NXPH1: variants seen among roughly 807,000 people sequenced by gnomAD.
NXPH1 encodes the protein neurexophilin-1.
A neutral mutation model predicts 23.7 loss-of-function variants in NXPH1; 5 were observed. That is an observed-to-expected ratio of 0.21 (90% CI 0.11 to 0.44). The LOEUF is 0.44. Ranked by LOEUF, NXPH1 falls within the 20% of genes least tolerant of loss-of-function variation. The pLI is 0.99. For synonymous variants in NXPH1, 144 were observed against 122.2 expected (o/e 1.18, Z -1.18); for missense variants, 324 against 321.6 (o/e 1.01, Z -0.06).
At chr7:8,728,908 G>A (rs998712942) in intron 2 of NXPH1, among the ~76,000 whole-genome samples, 9 of 150,362 alleles carry the variant, frequency 6.0e-5, no homozygotes, top group African/African-American at 9.7e-5. Context: ...AGTTTCAGAA[G>A]GAATGGTACC....
chr7:8,710,865 T>C (rs995188300), intron 2 of NXPH1, among the ~76,000 whole-genome samples: 1 of 117,010 alleles, frequency 8.5e-6, no homozygotes, highest in Non-Finnish European at 1.6e-5. Context: ...GGTTTCACCG[T>C]GTTAGCCAGG....
At chr7:8,726,864 C>G (rs1259807646) in intron 2 of NXPH1, among the ~76,000 whole-genome samples, 13 of 151,930 alleles carry the variant, frequency 8.6e-5, no homozygotes, top group African/African-American at 3.1e-4. Flanking sequence ...AATGGGATGG[C>G]TGGGTCAAAT....
intron 2 of NXPH1, among the ~76,000 whole-genome samples, chr7:8,470,021 G>C (rs1216622124): frequency 6.6e-6 from 1 of 152,054 alleles, no homozygotes; most frequent in East Asian, 1.9e-4. Flanking sequence ...TCTTAACATT[G>C]CATACATTAG....
chr7:8,607,962 T>A (rs1197866937), intron 2 of NXPH1, among the ~76,000 whole-genome samples: 1 of 152,190 alleles, frequency 6.6e-6, no homozygotes, highest in African/African-American at 2.4e-5. Context: ...GAAGTCAAGA[T>A]CAGAGTGATG....
At chr7:8,697,815 G>A (rs1216343851) in intron 2 of NXPH1, among the ~76,000 whole-genome samples, 1 of 152,190 alleles carries the variant, frequency 6.6e-6, no homozygotes, top group Non-Finnish European at 1.5e-5. Context: ...GCTAGAATAA[G>A]CTTGATGAAT....
chr7:8,571,360 G>C (rs888513427), intron 2 of NXPH1, among the ~76,000 whole-genome samples: 1 of 151,800 alleles, frequency 6.6e-6, no homozygotes, highest in Admixed American at 6.6e-5. Context: ...TCGAGAATAT[G>C]TCTGTGATTA....
chr7:8,649,469 C>G (rs1362164668), intron 2 of NXPH1, among the ~76,000 whole-genome samples: 1 of 152,166 alleles, frequency 6.6e-6, no homozygotes, highest in African/African-American at 2.4e-5. Context: ...CACAATTATA[C>G]TCTTACACAC....
At chr7:8,591,515 A>C (rs1247581595) in intron 2 of NXPH1, among the ~76,000 whole-genome samples, 2 of 152,052 alleles carry the variant, frequency 1.3e-5, no homozygotes, top group Admixed American at 1.3e-4. Context: ...ATCATGCTTT[A>C]AGATTCTTAT....
intron 2 of NXPH1, among the ~76,000 whole-genome samples, chr7:8,723,739 G>A (rs1252514299): frequency 6.6e-6 from 1 of 152,166 alleles, no homozygotes; most frequent in Non-Finnish European, 1.5e-5. Flanking sequence ...AATGATTGCT[G>A]TAGAAATGAA....
chr7:8,717,088 C>T (rs1308825242), intron 2 of NXPH1, among the ~76,000 whole-genome samples: 1 of 152,146 alleles, frequency 6.6e-6, no homozygotes, highest in Non-Finnish European at 1.5e-5. Context: ...ACCATGTCTT[C>T]TCTTACTCAA....
chr7:8,596,687 T>A (rs1409331603), intron 2 of NXPH1, among the ~76,000 whole-genome samples: 1 of 152,124 alleles, frequency 6.6e-6, no homozygotes, highest in Non-Finnish European at 1.5e-5. Flanking sequence ...ATTATCATGA[T>A]CCTTATTTTA....
At chr7:8,633,471 A>G (rs1054867219) in intron 2 of NXPH1, among the ~76,000 whole-genome samples, 2 of 152,218 alleles carry the variant, frequency 1.3e-5, no homozygotes, top group Non-Finnish European at 2.9e-5. Flanking sequence ...CCTTCTTTAG[A>G]ATTATGCGGA....
intron 2 of NXPH1, among the ~76,000 whole-genome samples, chr7:8,742,154 G>A (rs934588481): frequency 5.9e-4 from 90 of 152,226 alleles, no homozygotes; most frequent in Non-Finnish European, 4.4e-5. Context: ...AAAAGATGAA[G>A]GAATACTATA....
At chr7:8,475,408 G>A (rs1563321260) in intron 2 of NXPH1, among the ~76,000 whole-genome samples, 1 of 152,002 alleles carries the variant, frequency 6.6e-6, no homozygotes, top group South Asian at 2.1e-4. Flanking sequence ...GGGAAAATTT[G>A]GTATTAGGTA....
At chr7:8,683,353 T>C (rs1310759502) in intron 2 of NXPH1, among the ~76,000 whole-genome samples, 1 of 152,150 alleles carries the variant, frequency 6.6e-6, no homozygotes, top group Non-Finnish European at 1.5e-5. Context: ...GAGAGAAACA[T>C]CCAAACTGTT....
chr7:8,748,354 T>TA (rs1484450026), intron 2 of NXPH1, among the ~76,000 whole-genome samples: 3 of 151,976 alleles, frequency 2.0e-5, no homozygotes, highest in African/African-American at 7.2e-5. Flanking sequence ...TACTTACAAC[T>TA]AAAAAAAAGT....
At chr7:8,634,412 ATTTACTTTGTAAATTAAGTCT>A (rs935724714) in intron 2 of NXPH1, among the ~76,000 whole-genome samples, 13 of 152,086 alleles carry the variant, frequency 8.5e-5, no homozygotes, top group Admixed American at 2.0e-4. Flanking sequence ...AGTAAATTTA[ATTTACTTTGTAAATTAAGTCT>A]TTTACTTTGT....
At chr7:8,565,699 C>A (rs950995446) in intron 2 of NXPH1, among the ~76,000 whole-genome samples, 1 of 151,632 alleles carries the variant, frequency 6.6e-6, no homozygotes, top group African/African-American at 2.4e-5. Context: ...TTGGGTGTTT[C>A]ACTGGTGTGT....
chr7:8,649,894 A>G (rs1265058850), intron 2 of NXPH1, among the ~76,000 whole-genome samples: 2 of 152,024 alleles, frequency 1.3e-5, no homozygotes, highest in African/African-American at 4.8e-5. Context: ...ATGCTATTTT[A>G]CTCTTCATTG....
Sources: gnomAD v4.1 joint callset for allele counts (sites outside exome capture counted in the v4.1 genomes callset) on GRCh38, gnomAD v4.1.1 for gene constraint, MANE v1.5 for transcripts, NCBI Gene and HGNC (gene_info 2026-07-23, HGNC 2026-07-21) for gene names.